Variants in JAM3 observed in about 807,000 individuals in gnomAD.
JAM3 encodes junctional adhesion molecule 3, also known as junctional adhesion molecule C.
JAM3 carries 31 observed loss-of-function variants against 39.4 expected under a neutral mutation model. That is an observed-to-expected ratio of 0.79 (90% CI 0.59 to 1.06). JAM3 has a LOEUF of 1.06. Ranked by LOEUF, JAM3 falls within the 50% of genes least tolerant of loss-of-function variation. The pLI is 0.00. For missense variants in JAM3, 455 were observed against 391.4 expected, an observed-to-expected ratio of 1.16 and a Z score of -1.37; for synonymous variants, 182 against 148.7, an observed-to-expected ratio of 1.22 and a Z score of -1.63.
In JAM3 at chr11:134,105,817, A is replaced by G. The variant is rs531610011; in HGVS notation, c.77-34034A>G. ...GGATGTGAAGGACCTCTTCAAGGAG[A>G]ACTAGAAACCACTGCTCAACGAAAT... On this transcript the variant is annotated intron_variant, in intron 1 of 8. Coordinates refer to ENST00000299106, the MANE Select transcript of JAM3 (RefSeq NM_032801.5). 4.4e-3 allele frequency among the ~76,000 whole-genome samples: 666 copies of G among 152,322 alleles called. 2 individuals carry two copies. Among genetic ancestry groups the G allele is most frequent in the African/African-American group, 0.015 (637 of 41,566 alleles).
At chr11:134,074,168 A>T (rs996125966) in intron 1 of JAM3, among the ~76,000 whole-genome samples, 7 of 152,334 alleles carry the variant, frequency 4.6e-5, no homozygotes, top group South Asian at 4.1e-4. Flanking sequence ...AAAAAACAGG[A>T]TGAGAATGAA....
intron 1 of JAM3, among the ~76,000 whole-genome samples, chr11:134,084,346 C>T (rs1308968189): frequency 1.3e-5 from 2 of 152,194 alleles, no homozygotes; most frequent in East Asian, 3.9e-4. Flanking sequence ...GTTTGAATCT[C>T]ATCTCCGCTA....
intron 1 of JAM3, among the ~76,000 whole-genome samples, chr11:134,083,657 A>G (rs976565190): frequency 6.6e-6 from 1 of 152,048 alleles, no homozygotes; most frequent in Non-Finnish European, 1.5e-5. Context: ...CTTTTAGCTC[A>G]CATTAAAAAA....
chr11:134,093,654 G>T (rs1401874384), intron 1 of JAM3, among the ~76,000 whole-genome samples: 1 of 120,626 alleles, frequency 8.3e-6, no homozygotes, highest in Admixed American at 8.1e-5. Context: ...GTCACTTCCT[G>T]AGGGAAGCTT....
chr11:134,146,411 C>CAG (rs57554613), intron 6 of JAM3, among the ~76,000 whole-genome samples: 41,003 of 151,926 alleles, frequency 0.27, 7,544 homozygotes, highest in African/African-American at 0.53. Flanking sequence ...AGAAAACTGA[C>CAG]AGTTTTAGCC....
At chr11:134,080,457 G>T (rs546987477) in intron 1 of JAM3, among the ~76,000 whole-genome samples, 1 of 152,318 alleles carries the variant, frequency 6.6e-6, no homozygotes, top group African/African-American at 2.4e-5. Flanking sequence ...GACCCAGTGG[G>T]AGATAATTGA....
intron 3 of JAM3, among the ~76,000 whole-genome samples, chr11:134,143,928 T>A (rs1276665627): frequency 3.3e-5 from 5 of 152,188 alleles, no homozygotes; most frequent in Non-Finnish European, 5.9e-5. Flanking sequence ...CTAGTGGTGT[T>A]TTTTTCTATT....
At chr11:134,141,856 T>C (rs1361486266) in intron 3 of JAM3, among the ~76,000 whole-genome samples, 1 of 151,858 alleles carries the variant, frequency 6.6e-6, no homozygotes, top group Non-Finnish European at 1.5e-5. Context: ...TGCAGGCTCG[T>C]GCATGAGTCG....
intron 1 of JAM3, among the ~76,000 whole-genome samples, chr11:134,133,934 T>A (rs1263880640): frequency 1.3e-5 from 2 of 152,152 alleles, no homozygotes; most frequent in South Asian, 2.1e-4. Context: ...ATGGAAGAGA[T>A]GTTGGAATTA....
chr11:134,106,699 A>C (rs922343482), intron 1 of JAM3, among the ~76,000 whole-genome samples: 1 of 152,244 alleles, frequency 6.6e-6, no homozygotes, highest in Admixed American at 6.5e-5. Context: ...CTCAAAAGAA[A>C]ACATTTATGC....
chr11:134,145,629 G>T (rs542513263), intron 5 of JAM3, among the ~76,000 whole-genome samples: 1 of 152,268 alleles, frequency 6.6e-6, no homozygotes, highest in South Asian at 2.1e-4. Flanking sequence ...TTTTAACAGG[G>T]TCCTCTGTGT....
At chr11:134,121,820 C>CGT (rs1942537828) in intron 1 of JAM3, among the ~76,000 whole-genome samples, 1 of 131,726 alleles carries the variant, frequency 7.6e-6, no homozygotes, top group African/African-American at 3.5e-5. Flanking sequence ...TGCATGTGTG[C>CGT]GCACACACAC....
Position 134,099,818 on chromosome 11 carries a change from G to A in JAM3, c.76+30659G>A, listed in dbSNP as rs1287910223. Among the ~76,000 whole-genome samples, 3 of 152,130 alleles carry A rather than the reference G, an allele frequency of 2.0e-5. No individual in the cohort carries two copies. The South Asian group carries it at 6.2e-4, about 32-fold the overall frequency. ...GACGGGGTTTCACCATGTTGGTCAG[G>A]CTGGTCTCGAACTCCAGACCTCGTC... On this transcript the variant is annotated intron_variant, in intron 1 of 8. Coordinates refer to ENST00000299106, the MANE Select transcript of JAM3 (RefSeq NM_032801.5).
At chr11:134,075,592 T>G (rs1941553764) in intron 1 of JAM3, among the ~76,000 whole-genome samples, 1 of 152,128 alleles carries the variant, frequency 6.6e-6, no homozygotes, top group Non-Finnish European at 1.5e-5. Context: ...CTGGGTAATT[T>G]TTTGAACATT....
intron 1 of JAM3, among the ~76,000 whole-genome samples, chr11:134,109,729 T>G (rs566581166): frequency 2.0e-5 from 3 of 152,200 alleles, no homozygotes; most frequent in African/African-American, 7.2e-5. Flanking sequence ...AATGTGGTAA[T>G]CCACATGTTG....
chr11:134,149,946 A>G lies in JAM3; in HGVS notation c.*765A>G, dbSNP rs1240595375. 5.8e-6 allele frequency: 1 copy of G among 171,734 alleles called. No homozygotes were observed. The highest frequency in any genetic ancestry group is 1.3e-5 in the Non-Finnish European group (1 of 79,828). The allele number at this position is 171,734 out of a possible 1,614,324, so 10.6% of individuals were successfully genotyped here. A position where few individuals can be genotyped will look rare whatever the true frequency, so the allele number is the denominator to read the frequency against. Reference sequence around the variant, plus strand: ...TTTTACATCTAAATTTTTGCTAAGGATGTATTTTGATTATTGAAAAGAAAA... The same window carrying G: ...TTTTACATCTAAATTTTTGCTAAGGGTGTATTTTGATTATTGAAAAGAAAA... On this transcript the variant is annotated 3_prime_UTR_variant, in exon 9 of 9. Transcript: ENST00000299106.
chr11:134,099,475 G>A (rs1267400759), intron 1 of JAM3, among the ~76,000 whole-genome samples: 1 of 152,142 alleles, frequency 6.6e-6, no homozygotes, highest in South Asian at 2.1e-4. Context: ...TCTGATGGTG[G>A]TATTGAGGAT....
chr11:134,113,578 A>T (rs562305403), intron 1 of JAM3, among the ~76,000 whole-genome samples: 1 of 152,206 alleles, frequency 6.6e-6, no homozygotes, highest in South Asian at 2.1e-4. Flanking sequence ...ACATTTTCTT[A>T]ATCCAGTCTA....
chr11:134,083,899 C>G (rs1226641479), intron 1 of JAM3, among the ~76,000 whole-genome samples: 1 of 152,146 alleles, frequency 6.6e-6, no homozygotes, highest in Non-Finnish European at 1.5e-5. Context: ...CACTTCTTTG[C>G]ATGTTCTTTG....
Sources: gnomAD v4.1 joint callset for allele counts (sites outside exome capture counted in the v4.1 genomes callset) on GRCh38, gnomAD v4.1.1 for gene constraint, MANE v1.5 for transcripts, NCBI Gene and HGNC (gene_info 2026-07-23, HGNC 2026-07-21) for gene names.